The following USP4 variants were observed in gnomAD, a reference collection of about 807,000 sequenced individuals.
USP4 encodes ubiquitin carboxyl-terminal hydrolase 4.
USP4 carries 72 observed loss-of-function variants against 118.2 expected under a neutral mutation model. That is an observed-to-expected ratio of 0.61 (90% CI 0.50 to 0.74). USP4 has a LOEUF of 0.74. Among genes scored for constraint, USP4 ranks in the 30% least tolerant of loss-of-function variants. USP4 has a pLI of 0.00. For missense variants in USP4, 1,037 were observed against 1,185.7 expected, an observed-to-expected ratio of 0.87 and a Z score of 1.84; for synonymous variants, 415 against 440.4, an observed-to-expected ratio of 0.94 and a Z score of 0.72.
chr3:49,321,867 C>A (rs1441699872), intron 6 of USP4, among the ~76,000 whole-genome samples: 2 of 152,038 alleles, frequency 1.3e-5, no homozygotes, highest in Non-Finnish European at 2.9e-5. Flanking sequence ...GGGTGGCATG[C>A]ACCTGTAATC....
rs149233283 is a variant in USP4 at position 49,300,411 on chromosome 3, T to TGCAA, written c.1512+55_1512+56insTTGC. 2,563 of 1,534,612 alleles carry TGCAA rather than the reference T, an allele frequency of 1.7e-3. 27 individuals carry two copies. The African/African-American group carries it at 0.024, about 15-fold the overall frequency. On this transcript the variant is annotated intron_variant, in intron 11 of 21. Transcript: ENST00000265560. ...ATGCAGCAGATAGGAGCAGTCCCAC[T>TGCAA]GGGATCTGGAGACCACTTGCAGTGA... is the stretch of plus-strand genomic sequence containing the variant.
chr3:49,314,119 CCA>C (rs955975571), intron 6 of USP4: 4 of 152,272 alleles, frequency 2.6e-5, no homozygotes, highest in Non-Finnish European at 4.4e-5. Flanking sequence ...TGTACTGTTC[CCA>C]CACAGTGTTC....
chr3:49,335,707 A>G, intron 1 of USP4, 111 bp from the exon 2 acceptor site: 5 of 1,220,408 alleles, frequency 4.1e-6, no homozygotes, highest in Non-Finnish European at 5.8e-6. Context: ...TGCAATACCC[A>G]CTAAAAAACA....
At chr3:49,280,595 G>T in intron 20 of USP4, 149 bp downstream of exon 20, 2 of 481,908 alleles carry the variant, frequency 4.2e-6, no homozygotes, top group Non-Finnish European at 7.3e-6. Flanking sequence ...AAAAAAAACA[G>T]AGAGGGGAAT....
chr3:49,325,877 C>T (rs199860506), intron 3 of USP4, 32 bp from the exon 4 acceptor site: 66 of 1,608,992 alleles, frequency 4.1e-5, no homozygotes, highest in Non-Finnish European at 5.4e-5. Context: ...GAGGGCATAG[C>T]GGTTTTGCAG....
At chr3:49,339,655 A>C (rs2047715168) in intron 1 of USP4, among the ~76,000 whole-genome samples, 1 of 151,884 alleles carries the variant, frequency 6.6e-6, no homozygotes, top group Admixed American at 6.6e-5. Flanking sequence ...TAGGGTCCCC[A>C]CCAACCTTCC....
intron 11 of USP4, among the ~76,000 whole-genome samples, chr3:49,299,453 C>T (rs578198534): frequency 1.3e-4 from 19 of 150,142 alleles, no homozygotes; most frequent in Non-Finnish European, 2.4e-4. Flanking sequence ...AGTGCAGTGG[C>T]GCAATCTTGG....
Position 49,311,595 on chromosome 3 carries a change from T to G in USP4, c.755A>C (p.Tyr252Ser). 3 of 1,614,026 alleles carry G rather than the reference T, an allele frequency of 1.9e-6. No homozygotes were observed. Among genetic ancestry groups the G allele is most frequent in the Non-Finnish European group, 2.5e-6 (3 of 1,179,938 alleles). Residue 252 changes from tyrosine to serine, a missense_variant, in exon 7 of 22, where the codon TAT (tyrosine) becomes TCT (serine). This residue lies in a region of USP4 where 487 missense variants were observed against 534.1 expected (regional missense o/e 0.91). Transcript: ENST00000265560. ...TTSPKSSASP[Y>S]SSVSASLIAN... ...AATGAGAGAGGCAGACACTGAGGAA[T>G]AGGGACTTGCTGATGATTTTGGAGA...
At position 49,329,215 on chromosome 3, in the gene USP4, C is replaced by T. The variant is rs184453043; in HGVS notation, c.230-1399G>A. Among the ~76,000 whole-genome samples, 292 of 152,170 alleles carry T rather than the reference C, an allele frequency of 1.9e-3. 2 individuals are homozygous for T. Among genetic ancestry groups the T allele is most frequent in the African/African-American group, 6.7e-3 (278 of 41,536 alleles). ...ATAAAAGTAAAAATAAAAAATAAAGCAATTCAGTCACATCTTCAGGCTTCA... is the reference window on the plus strand; with the variant it reads ...ATAAAAGTAAAAATAAAAAATAAAGTAATTCAGTCACATCTTCAGGCTTCA... On this transcript the variant is annotated intron_variant, in intron 2 of 21. Coordinates refer to ENST00000265560, the MANE Select transcript of USP4 (RefSeq NM_003363.4).
chr3:49,280,710 A>C, intron 20 of USP4, 34 bp downstream of exon 20: 1 of 1,572,080 alleles, frequency 6.4e-7, no homozygotes, highest in Non-Finnish European at 8.8e-7. Flanking sequence ...AGCACATTTC[A>C]ACATCTCAGA....
At chr3:49,308,394 A>G (rs2047343033) in intron 8 of USP4, among the ~76,000 whole-genome samples, 1 of 152,082 alleles carries the variant, frequency 6.6e-6, no homozygotes, top group Non-Finnish European at 1.5e-5. Context: ...ATCTTGGCTC[A>G]TTGCAACCTC....
intron 8 of USP4, among the ~76,000 whole-genome samples, chr3:49,306,210 GTT>G (rs57775959): frequency 1.5e-5 from 2 of 137,324 alleles, no homozygotes. Context: ...GTTTTTTTTT[GTT>G]TTTTTTTTTT....
intron 13 of USP4, among the ~76,000 whole-genome samples, chr3:49,297,150 G>C (rs1467306964): frequency 6.6e-6 from 1 of 152,202 alleles, no homozygotes; most frequent in Admixed American, 6.5e-5. Context: ...TCCTGAGTGA[G>C]AGGTAAAGAG....
intron 2 of USP4, among the ~76,000 whole-genome samples, chr3:49,331,188 C>T (rs145671812): frequency 3.3e-5 from 5 of 151,792 alleles, no homozygotes; most frequent in African/African-American, 1.2e-4. Flanking sequence ...GGCGTGGTGG[C>T]GCACGCCTAT....
rs373058777 is a variant in USP4, at chr3:49,327,721, C to G, written c.325G>C (p.Gly109Arg). The G allele has an allele frequency of 3.1e-5, 50 of 1,614,048 alleles. No individual in the cohort carries two copies. The highest frequency in any genetic ancestry group is 4.2e-5 in the Non-Finnish European group (50 of 1,179,992). The change falls in exon 3 of 22, where the codon GGC becomes CGC. Residue 109 changes from glycine (G) to arginine (R), a missense_variant. This residue lies in a region of USP4 where 487 missense variants were observed against 534.1 expected (regional missense o/e 0.91). Coordinates refer to ENST00000265560, the MANE Select transcript of USP4 (RefSeq NM_003363.4). ...ATGGGTTGCTGGCCTTCTACACAGC[C>G]GTACCAGTTTAGTAGTTTATTCCAC... ...EAWNKLLNWY[G>R]CVEGQQPIVR...
intron 15 of USP4, 80 bp from the exon 16 acceptor site, chr3:49,286,405 G>T: frequency 7.3e-7 from 1 of 1,362,904 alleles, no homozygotes; most frequent in Non-Finnish European, 1.0e-6. Flanking sequence ...ACATAACTAT[G>T]GTGTTTCCTT....
chr3:49,331,013 G>A (rs1375982377), intron 2 of USP4, among the ~76,000 whole-genome samples: 4 of 135,046 alleles, frequency 3.0e-5, no homozygotes, highest in African/African-American at 5.6e-5. Context: ...GCAAGACTCC[G>A]TCTCAAAAAA....
At chr3:49,305,239 A>AT (rs1281467592) in intron 9 of USP4, among the ~76,000 whole-genome samples, 12 of 95,170 alleles carry the variant, frequency 1.3e-4, no homozygotes, top group African/African-American at 1.5e-4. Flanking sequence ...CACCTAGCTA[A>AT]TTTTTTTTTT....
chr3:49,333,028 T>C (rs1054756281), intron 2 of USP4, among the ~76,000 whole-genome samples: 1 of 150,480 alleles, frequency 6.6e-6, no homozygotes, highest in Non-Finnish European at 1.5e-5. Flanking sequence ...TTTTTTTTTT[T>C]TGAGACAAGA....
Sources: gnomAD v4.1 joint callset for allele counts (sites outside exome capture counted in the v4.1 genomes callset) on GRCh38, gnomAD v4.1.1 for gene constraint, gnomAD v4.1.1 regional missense constraint, MANE v1.5 for transcripts, NCBI Gene and HGNC (gene_info 2026-07-23, HGNC 2026-07-21) for gene names.